ST6GALNAC3: variants seen among roughly 807,000 people sequenced by gnomAD.
The protein encoded by ST6GALNAC3 is alpha-N-acetylgalactosaminide alpha-2,6-sialyltransferase 3.
A neutral mutation model predicts 32.7 loss-of-function variants in ST6GALNAC3; 25 were observed. That is an observed-to-expected ratio of 0.76 (90% CI 0.56 to 1.07). ST6GALNAC3 has a LOEUF of 1.07. ST6GALNAC3 is among the 50% of genes least tolerant of loss of function. ST6GALNAC3 has a pLI of 0.00. For synonymous variants in ST6GALNAC3, 129 were observed against 133.1 expected (o/e 0.97, Z 0.21); for missense variants, 355 against 382.4 (o/e 0.93, Z 0.60).
At chr1:76,243,774 T>C (rs1259599510) in intron 1 of ST6GALNAC3, among the ~76,000 whole-genome samples, 1 of 152,212 alleles carries the variant, frequency 6.6e-6, no homozygotes, top group Non-Finnish European at 1.5e-5. Context: ...ATGTGTGGTG[T>C]TATTTCTGAG....
chr1:76,498,266 T>C (rs532206693), intron 3 of ST6GALNAC3, among the ~76,000 whole-genome samples: 1 of 152,338 alleles, frequency 6.6e-6, no homozygotes, highest in Admixed American at 6.5e-5. Context: ...ATTCCTTTTA[T>C]CATAAATACA....
At chr1:76,203,215 G>C (rs1475527023) in intron 1 of ST6GALNAC3, among the ~76,000 whole-genome samples, 1 of 152,148 alleles carries the variant, frequency 6.6e-6, no homozygotes, top group African/African-American at 2.4e-5. Context: ...TCAGATCACT[G>C]GAGGGGGCAC....
chr1:76,293,995 G>A (rs190872309), intron 1 of ST6GALNAC3, among the ~76,000 whole-genome samples: 10 of 152,218 alleles, frequency 6.6e-5, no homozygotes, highest in Non-Finnish European at 1.2e-4. Flanking sequence ...ATACAAAACC[G>A]TTTGTGGAGC....
rs543668487 is a variant in ST6GALNAC3 at position 76,120,846 on chromosome 1, A to G, written c.18+45962A>G. On this transcript the variant is annotated intron_variant, in intron 1 of 4. Transcript: ENST00000328299. ...ACCGACATAAAAGCTGTACAAATTT[A>G]TGATTTCACACTTCTGGAGGCCAGA... Among the ~76,000 whole-genome samples the G allele has an allele frequency of 5.4e-4, 82 of 152,324 alleles. No individual in the cohort carries two copies. In the South Asian group the frequency reaches 0.015, roughly 28 times the overall value.
At chr1:76,312,450 T>C (rs1646784514) in intron 1 of ST6GALNAC3, among the ~76,000 whole-genome samples, 1 of 152,050 alleles carries the variant, frequency 6.6e-6, no homozygotes, top group Non-Finnish European at 1.5e-5. Flanking sequence ...AAAGAGCTTC[T>C]GCACAGCAAA....
At chr1:76,112,462 C>G (rs1172344242) in intron 1 of ST6GALNAC3, among the ~76,000 whole-genome samples, 1 of 149,720 alleles carries the variant, frequency 6.7e-6, no homozygotes, top group Non-Finnish European at 1.5e-5. Flanking sequence ...GCTGGCCGGG[C>G]GGGGGGCTAA....
At chr1:76,128,257 C>G (rs1191231900) in intron 1 of ST6GALNAC3, among the ~76,000 whole-genome samples, 2 of 152,206 alleles carry the variant, frequency 1.3e-5, no homozygotes, top group South Asian at 4.1e-4. Flanking sequence ...ACGTGCCAGT[C>G]TCCCATGGTT....
intron 3 of ST6GALNAC3, among the ~76,000 whole-genome samples, chr1:76,442,325 T>C (rs1656672252): frequency 6.6e-6 from 1 of 152,196 alleles, no homozygotes; most frequent in African/African-American, 2.4e-5. Context: ...AATTTTCACA[T>C]TTCCACAAGC....
intron 3 of ST6GALNAC3, among the ~76,000 whole-genome samples, chr1:76,525,568 C>T (rs908207465): frequency 1.3e-4 from 19 of 151,468 alleles, no homozygotes; most frequent in African/African-American, 4.6e-4. Flanking sequence ...TTTCAACCCT[C>T]GGGAGAGAAT....
chr1:76,569,045 T>C (rs1179504432), intron 3 of ST6GALNAC3, among the ~76,000 whole-genome samples: 1 of 152,146 alleles, frequency 6.6e-6, no homozygotes, highest in Non-Finnish European at 1.5e-5. Context: ...GTACTGCTTG[T>C]CAAAGGATCT....
intron 3 of ST6GALNAC3, among the ~76,000 whole-genome samples, chr1:76,546,378 C>T (rs552065576): frequency 6.6e-6 from 1 of 152,104 alleles, no homozygotes; most frequent in Non-Finnish European, 1.5e-5. Flanking sequence ...AGATGAACCT[C>T]CTAATATGCT....
At chr1:76,434,154 G>A (rs1192730985) in intron 3 of ST6GALNAC3, among the ~76,000 whole-genome samples, 3 of 152,156 alleles carry the variant, frequency 2.0e-5, no homozygotes, top group Non-Finnish European at 2.9e-5. Context: ...CTTCCAAGTG[G>A]TGTAATCGTA....
chr1:76,090,421 G>T (rs1647028318), intron 1 of ST6GALNAC3, among the ~76,000 whole-genome samples: 1 of 152,188 alleles, frequency 6.6e-6, no homozygotes, highest in Non-Finnish European at 1.5e-5. Flanking sequence ...TAACTGGCCG[G>T]ATGGCTGTGC....
intron 1 of ST6GALNAC3, among the ~76,000 whole-genome samples, chr1:76,124,434 A>T (rs904636136): frequency 1.3e-5 from 2 of 152,158 alleles, no homozygotes; most frequent in Admixed American, 1.3e-4. Flanking sequence ...TCTGTGGGTG[A>T]GTTGCAGTCC....
intron 3 of ST6GALNAC3, among the ~76,000 whole-genome samples, chr1:76,435,511 TC>T (rs1656078777): frequency 1.3e-5 from 2 of 152,146 alleles, no homozygotes; most frequent in South Asian, 2.1e-4. Flanking sequence ...TTTGGATAGA[TC>T]ATAGATAATC....
chr1:76,459,988 C>A (rs1557439415), intron 3 of ST6GALNAC3, among the ~76,000 whole-genome samples: 1 of 152,006 alleles, frequency 6.6e-6, no homozygotes, highest in Non-Finnish European at 1.5e-5. Flanking sequence ...GTTTTCAGTT[C>A]TTTTGGGAAT....
chr1:76,300,852 G>A (rs1362036841), intron 1 of ST6GALNAC3, among the ~76,000 whole-genome samples: 1 of 151,906 alleles, frequency 6.6e-6, no homozygotes. Flanking sequence ...TTCTTGGAGG[G>A]GCAGGACGGT....
chr1:76,208,222 C>T (rs1174130210), intron 1 of ST6GALNAC3, among the ~76,000 whole-genome samples: 1 of 152,224 alleles, frequency 6.6e-6, no homozygotes, highest in African/African-American at 2.4e-5. Flanking sequence ...ACCCCTAGAC[C>T]CCAGGGATAT....
chr1:76,345,188 G>C (rs533257876), intron 2 of ST6GALNAC3, among the ~76,000 whole-genome samples: 4 of 151,970 alleles, frequency 2.6e-5, no homozygotes, highest in African/African-American at 9.7e-5. Flanking sequence ...CTTCTCCCCC[G>C]GACAGTGATG....
Sources: allele counts gnomAD v4.1 joint callset (sites outside exome capture counted in the v4.1 genomes callset), GRCh38; gene constraint gnomAD v4.1.1; transcripts MANE v1.5; gene names NCBI Gene and HGNC (gene_info 2026-07-23, HGNC 2026-07-21).